PAK5: variants seen among roughly 807,000 people sequenced by gnomAD.
PAK5 encodes p21 (RAC1) activated kinase 5.
In PAK5, 16 loss-of-function variants were observed where a neutral mutation model predicts 65.9. The observed-to-expected ratio is 0.24, with a 90% CI of 0.16 to 0.37. PAK5 has a LOEUF of 0.37. PAK5 is among the 10% of genes least tolerant of loss of function. The pLI is 1.00. For missense variants in PAK5, 785 were observed against 903.9 expected, an observed-to-expected ratio of 0.87 and a Z score of 1.69; for synonymous variants, 371 against 354.9, an observed-to-expected ratio of 1.05 and a Z score of -0.51.
intron 1 of PAK5, among the ~76,000 whole-genome samples, chr20:9,800,322 G>C (rs1360440213): frequency 1.3e-5 from 2 of 151,948 alleles, no homozygotes. Context: ...CAAATGATTT[G>C]ATATTCTCAT....
intron 1 of PAK5, among the ~76,000 whole-genome samples, chr20:9,720,848 CA>C (rs1242005736): frequency 6.6e-6 from 1 of 152,006 alleles, no homozygotes; most frequent in Admixed American, 6.6e-5. Context: ...AAGGCAGGCA[CA>C]AAAAGTCAAA....
At chr20:9,659,881 AC>A (rs1409565513) in intron 2 of PAK5, among the ~76,000 whole-genome samples, 7 of 151,976 alleles carry the variant, frequency 4.6e-5, no homozygotes, top group Admixed American at 4.6e-4. Flanking sequence ...ATGTATAGAA[AC>A]CCCTGCTATG....
chr20:9,557,554 TGACA>T (rs760975442), intron 7 of PAK5, 50 bp downstream of exon 7: 7 of 1,518,236 alleles, frequency 4.6e-6, no homozygotes, highest in Non-Finnish European at 6.3e-6. Context: ...GTTATGCCCA[TGACA>T]GACAGAGTGA....
intron 3 of PAK5, among the ~76,000 whole-genome samples, chr20:9,601,634 A>G (rs959178315): frequency 2.6e-5 from 4 of 152,146 alleles, no homozygotes; most frequent in African/African-American, 9.7e-5. Context: ...TGACTTTTTA[A>G]GAGCCTCCCA....
intron 4 of PAK5, among the ~76,000 whole-genome samples, chr20:9,570,084 T>C (rs984306176): frequency 4.0e-5 from 6 of 149,236 alleles, no homozygotes; most frequent in African/African-American, 1.3e-4. Context: ...GTGAGTCTGT[T>C]TCCTTATCCG....
At chr20:9,741,544 T>C (rs1003593951) in intron 1 of PAK5, among the ~76,000 whole-genome samples, 4 of 152,198 alleles carry the variant, frequency 2.6e-5, no homozygotes, top group Admixed American at 6.5e-5. Context: ...AAGAATGATA[T>C]GACTTTGGCA....
chr20:9,620,467 C>A (rs981509307), intron 3 of PAK5, among the ~76,000 whole-genome samples: 7 of 152,186 alleles, frequency 4.6e-5, no homozygotes, highest in African/African-American at 1.7e-4. Context: ...GACCACATGG[C>A]GTCTGGGGCT....
intron 3 of PAK5, among the ~76,000 whole-genome samples, chr20:9,615,928 G>A (rs1393962954): frequency 6.6e-6 from 1 of 152,140 alleles, no homozygotes; most frequent in Non-Finnish European, 1.5e-5. Flanking sequence ...GCTGCATGCT[G>A]CCCCCACAGC....
intron 1 of PAK5, among the ~76,000 whole-genome samples, chr20:9,716,851 G>A (rs542635197): frequency 1.8e-4 from 27 of 152,242 alleles, no homozygotes; most frequent in African/African-American, 6.0e-4. Context: ...GGAAGGCAGA[G>A]GCAAGCTGAT....
chr20:9,761,598 G>A (rs2048700699), intron 1 of PAK5, among the ~76,000 whole-genome samples: 1 of 152,066 alleles, frequency 6.6e-6, no homozygotes, highest in Admixed American at 6.6e-5. Flanking sequence ...CCGATTTTGA[G>A]CAAGAACAAG....
intron 2 of PAK5, among the ~76,000 whole-genome samples, chr20:9,698,439 C>A (rs1294042395): frequency 6.6e-6 from 1 of 152,108 alleles, no homozygotes; most frequent in African/African-American, 2.4e-5. Context: ...TGATCTTTAA[C>A]TTCTTTCCCA....
intron 1 of PAK5, among the ~76,000 whole-genome samples, chr20:9,729,444 C>A (rs1229923743): frequency 6.6e-6 from 1 of 152,136 alleles, no homozygotes; most frequent in Non-Finnish European, 1.5e-5. Flanking sequence ...TCAATATCCA[C>A]TTCCATAGCA....
At chr20:9,701,257 G>A (rs184044705) in intron 2 of PAK5, among the ~76,000 whole-genome samples, 46 of 152,256 alleles carry the variant, frequency 3.0e-4, no homozygotes, top group Admixed American at 2.5e-3. Context: ...ACTTTGAAAC[G>A]TGTGAAAATA....
At chr20:9,583,539 G>T (rs1017304984) in intron 3 of PAK5, among the ~76,000 whole-genome samples, 6 of 152,132 alleles carry the variant, frequency 3.9e-5, no homozygotes, top group Non-Finnish European at 7.3e-5. Context: ...CTTCAATGAG[G>T]TTATGTTATA....
In PAK5 at chr20:9,647,161, T is replaced by C. The variant is rs1234771063; in HGVS notation, c.-11-2822A>G. Among the ~76,000 whole-genome samples, 4 of 152,344 alleles carry C rather than the reference T, an allele frequency of 2.6e-5. No individual in the cohort carries two copies. The East Asian group carries it at 7.7e-4, about 29-fold the overall frequency. ...CAACATCCAATCTGGGTAACTATAT[T>C]AGCTGTTACACAATTGAGTGCTAAC... On this transcript the variant is annotated intron_variant, in intron 2 of 9. Transcript: ENST00000353224.
chr20:9,641,412 T>G (rs540837888), intron 3 of PAK5, among the ~76,000 whole-genome samples: 53 of 133,316 alleles, frequency 4.0e-4, no homozygotes, highest in East Asian at 7.3e-4. Flanking sequence ...TGCTGATTGG[T>G]GTGTTTACAA....
intron 6 of PAK5, 119 bp downstream of exon 6, chr20:9,562,772 T>C: frequency 2.5e-6 from 2 of 794,900 alleles, no homozygotes; most frequent in Non-Finnish European, 4.1e-6. Flanking sequence ...GGGGAAAGGG[T>C]AGTCATATTC....
chr20:9,551,950 A>G (rs1166201729), intron 7 of PAK5, among the ~76,000 whole-genome samples: 1 of 152,188 alleles, frequency 6.6e-6, no homozygotes, highest in Non-Finnish European at 1.5e-5. Flanking sequence ...AGATGGTGGC[A>G]TTTGGAGGTG....
At chr20:9,836,560 G>A (rs554081425) in intron 1 of PAK5, among the ~76,000 whole-genome samples, 1 of 152,266 alleles carries the variant, frequency 6.6e-6, no homozygotes, top group African/African-American at 2.4e-5. Flanking sequence ...GAGGGTGCAT[G>A]GCCCTGACAA....
Sources: gnomAD v4.1 joint callset for allele counts (sites outside exome capture counted in the v4.1 genomes callset) on GRCh38, gnomAD v4.1.1 for gene constraint, MANE v1.5 for transcripts, NCBI Gene and HGNC (gene_info 2026-07-23, HGNC 2026-07-21) for gene names.